RABGEF1: variants seen among roughly 807,000 people sequenced by gnomAD.
RABGEF1 encodes RAB guanine nucleotide exchange factor 1.
A neutral mutation model predicts 57.3 loss-of-function variants in RABGEF1; 26 were observed. That is an observed-to-expected ratio of 0.45 (90% CI 0.33 to 0.63). The LOEUF (loss-of-function observed/expected upper bound fraction) is 0.63. Among genes scored for constraint, RABGEF1 ranks in the 20% least tolerant of loss-of-function variants. The pLI, the probability that RABGEF1 is intolerant of heterozygous loss-of-function variation, is 0.02. For missense variants in RABGEF1, 464 were observed against 607.6 expected (o/e 0.76, Z 2.48); for synonymous variants, 185 against 210.7 (o/e 0.88, Z 1.06).
At chr7:66,778,931 C>T (rs1200432725) in intron 3 of RABGEF1, among the ~76,000 whole-genome samples, 6 of 151,920 alleles carry the variant, frequency 3.9e-5, no homozygotes, top group Non-Finnish European at 7.4e-5. Flanking sequence ...GCCTGACCAA[C>T]GTGGCACAAC....
intron 7 of RABGEF1, among the ~76,000 whole-genome samples, chr7:66,800,302 GC>G (rs1181269196): frequency 6.6e-6 from 1 of 152,150 alleles, no homozygotes; most frequent in Non-Finnish European, 1.5e-5. Flanking sequence ...CAGGACCCTA[GC>G]CCCAAGGGTC....
chr7:66,756,652 A>C (rs1802798618), intron 1 of RABGEF1, among the ~76,000 whole-genome samples: 1 of 152,112 alleles, frequency 6.6e-6, no homozygotes, highest in African/African-American at 2.4e-5. Flanking sequence ...TATGTATTTT[A>C]AGTTTTGTTT....
intron 2 of RABGEF1, among the ~76,000 whole-genome samples, chr7:66,728,406 G>A (rs1188810867): frequency 6.6e-6 from 1 of 152,124 alleles, no homozygotes; most frequent in Non-Finnish European, 1.5e-5. Context: ...TCAGCTTCGA[G>A]GTTCATGGAG....
intron 1 of RABGEF1, among the ~76,000 whole-genome samples, chr7:66,686,336 G>C (rs1045528079): frequency 6.6e-5 from 10 of 151,748 alleles, no homozygotes; most frequent in Non-Finnish European, 1.5e-4. Flanking sequence ...GGCTGGTGCA[G>C]TGGCTTATGC....
chr7:66,665,305 G>T, the RABGEF1 span: 99,353 of 150,624 alleles, frequency 0.66, 33,181 homozygotes, highest in African/African-American at 0.76. Flanking sequence ...CCACTATGCC[G>T]TGCTAATTTT....
chr7:66,731,665 T>A (rs1172956725), intron 2 of RABGEF1, among the ~76,000 whole-genome samples: 1 of 152,158 alleles, frequency 6.6e-6, no homozygotes, highest in East Asian at 1.9e-4. Flanking sequence ...TGCAGTGAGC[T>A]ATGATTGTGC....
chr7:66,728,849 C>A (rs762992815), intron 2 of RABGEF1, among the ~76,000 whole-genome samples: 1 of 151,666 alleles, frequency 6.6e-6, no homozygotes, highest in Admixed American at 6.6e-5. Flanking sequence ...TACACCTACA[C>A]GTCTATCCTC....
upstream of RABGEF1, among the ~76,000 whole-genome samples, chr7:66,680,163 A>G (rs1449359678): frequency 1.3e-5 from 2 of 152,178 alleles, no homozygotes; most frequent in Non-Finnish European, 2.9e-5. Flanking sequence ...TGGTAATAGC[A>G]ATTATCACCA....
At position 66,705,443 on chromosome 7, in the gene RABGEF1, A is replaced by AAGACAGAGAGAGAGAGAG. The variant is rs540794271; in HGVS notation, c.-872-6721_-872-6720insCAGAGAGAGAGAGAGAGA. 4.7e-3 allele frequency among the ~76,000 whole-genome samples: 309 copies of AAGACAGAGAGAGAGAGAG among 66,374 alleles called. 37 individuals are homozygous for AAGACAGAGAGAGAGAGAG. Among genetic ancestry groups the AAGACAGAGAGAGAGAGAG allele is most frequent in the African/African-American group, 6.2e-3 (82 of 13,150 alleles). 43.5% of individuals were successfully genotyped at this position (66,374 alleles called of 152,430 possible). On this transcript the variant is annotated intron_variant and NMD_transcript_variant, in intron 1 of 9. Transcript: ENST00000607882. ...CAGAGCGAAACTCCATCTCGAAAGA[A>AAGACAGAGAGAGAGAGAG]AGAGAGAGAGAGAGAGAGAGAGAGA...
At chr7:66,763,640 C>T (rs545324497) in intron 1 of RABGEF1, among the ~76,000 whole-genome samples, 1 of 152,164 alleles carries the variant, frequency 6.6e-6, no homozygotes, top group African/African-American at 2.4e-5. Context: ...GAACCCATGC[C>T]CTTTCTCTTA....
chr7:66,707,220 T>A (rs1175300055), intron 1 of RABGEF1, among the ~76,000 whole-genome samples: 1 of 152,250 alleles, frequency 6.6e-6, no homozygotes, highest in African/African-American at 2.4e-5. Flanking sequence ...ATTTTAACAA[T>A]TTATTAAGAC....
At chr7:66,679,426 G>A (rs1789536800), upstream of RABGEF1, among the ~76,000 whole-genome samples, 2 of 151,974 alleles carry the variant, frequency 1.3e-5, no homozygotes, top group South Asian at 4.1e-4. Context: ...CTACCACTTT[G>A]GCCTCCAGAG....
intron 2 of RABGEF1, among the ~76,000 whole-genome samples, chr7:66,716,843 A>T (rs1337587724): frequency 6.6e-6 from 1 of 152,136 alleles, no homozygotes; most frequent in Non-Finnish European, 1.5e-5. Flanking sequence ...CAGTGGTGCA[A>T]TCTCGGTTCA....
At chr7:66,753,327 G>A (rs937106287) in intron 1 of RABGEF1, among the ~76,000 whole-genome samples, 3 of 152,190 alleles carry the variant, frequency 2.0e-5, no homozygotes, top group African/African-American at 7.2e-5. Flanking sequence ...AAGAACAGGT[G>A]TTGCTGTGAA....
intron 7 of RABGEF1, among the ~76,000 whole-genome samples, chr7:66,800,745 C>T (rs532587696): frequency 4.6e-5 from 7 of 152,308 alleles, no homozygotes; most frequent in East Asian, 3.9e-4. Context: ...TCCAAGCCAC[C>T]GTAGCCTTTA....
intron 2 of RABGEF1, among the ~76,000 whole-genome samples, chr7:66,716,114 T>C (rs535885056): frequency 4.7e-4 from 72 of 152,342 alleles, no homozygotes; most frequent in African/African-American, 1.7e-3. Context: ...GAGGTCTGTT[T>C]TTAGATGTGT....
upstream of RABGEF1, among the ~76,000 whole-genome samples, chr7:66,677,419 G>A (rs925838531): frequency 6.6e-6 from 1 of 152,054 alleles, no homozygotes; most frequent in African/African-American, 2.4e-5. Context: ...TAAAAAATAA[G>A]AAATCAGAAA....
At chr7:66,672,108 A>T in the RABGEF1 span, among the ~76,000 whole-genome samples, 276 of 151,644 alleles carry the variant, frequency 1.8e-3, no homozygotes, top group Middle Eastern at 3.4e-3. Context: ...TGTCCGGCTG[A>T]GACTCTGTCT....
intron 7 of RABGEF1, among the ~76,000 whole-genome samples, chr7:66,804,759 G>A (rs528691580): frequency 2.0e-5 from 3 of 149,244 alleles, no homozygotes; most frequent in Non-Finnish European, 3.0e-5. Flanking sequence ...AAAAAAAAGT[G>A]TGGGCTTTAC....
Sources: allele counts gnomAD v4.1 joint callset (sites outside exome capture counted in the v4.1 genomes callset), GRCh38; gene constraint gnomAD v4.1.1; transcripts MANE v1.5; gene names NCBI Gene and HGNC (gene_info 2026-07-23, HGNC 2026-07-21).